Variants in LRFN5 observed in about 807,000 individuals in gnomAD.
LRFN5 encodes the protein leucine-rich repeat and fibronectin type-III domain-containing protein 5.
A neutral mutation model predicts 45.6 loss-of-function variants in LRFN5; 24 were observed. That is an observed-to-expected ratio of 0.53 (90% CI 0.38 to 0.74). The LOEUF (loss-of-function observed/expected upper bound fraction) is 0.74, where lower values mean the gene tolerates loss of function less well. Ranked by LOEUF, LRFN5 falls within the 30% of genes least tolerant of loss-of-function variation. The pLI, the probability that LRFN5 is intolerant of heterozygous loss-of-function variation, is 0.00. For missense variants in LRFN5, 776 were observed against 861.5 expected (o/e 0.90, Z 1.24); for synonymous variants, 340 against 313.8 (o/e 1.08, Z -0.88).
chr14:41,632,729 A>G (rs910253887), intron 1 of LRFN5, among the ~76,000 whole-genome samples: 3 of 152,222 alleles, frequency 2.0e-5, no homozygotes, highest in Non-Finnish European at 2.9e-5. Flanking sequence ...TTAGTAGAAC[A>G]GGAAAAAAAG....
chr14:41,701,633 A>C (rs1024260789), intron 1 of LRFN5: 1 of 152,206 alleles, frequency 6.6e-6, no homozygotes, highest in African/African-American at 2.4e-5. Context: ...TTATGGGCAG[A>C]GAAAAAGGCT....
intron 1 of LRFN5, among the ~76,000 whole-genome samples, chr14:41,707,612 T>A (rs767889989): frequency 5.9e-5 from 9 of 152,168 alleles, no homozygotes; most frequent in African/African-American, 9.6e-5. Flanking sequence ...AATATACTTC[T>A]GGACTTTCTC....
At chr14:41,771,117 G>T (rs905262996) in intron 2 of LRFN5, among the ~76,000 whole-genome samples, 7 of 151,508 alleles carry the variant, frequency 4.6e-5, no homozygotes, top group Admixed American at 1.3e-4. Context: ...CAAGTATATG[G>T]GGAGCAATAT....
intron 1 of LRFN5, among the ~76,000 whole-genome samples, chr14:41,653,684 A>G (rs1176319679): frequency 6.6e-6 from 1 of 152,132 alleles, no homozygotes; most frequent in Admixed American, 6.6e-5. Flanking sequence ...TGGTCTGCAT[A>G]AATACTTAAG....
rs1319507004 is a variant in LRFN5, at chr14:41,743,695, C to CA, written c.-196-23153dup. Among the ~76,000 whole-genome samples the CA allele has an allele frequency of 2.6e-5, 4 of 152,176 alleles. 1 individual carries two copies. In the South Asian group the frequency reaches 8.3e-4, roughly 32 times the overall value. ...TAATAGATTTTTAATGTCCTCACCA[C>CA]AAAAAATATAAGTTGTTAAGGTGGT... is the stretch of plus-strand genomic sequence containing the variant. On this transcript the variant is annotated intron_variant, in intron 1 of 5. Transcript: ENST00000298119.
intron 1 of LRFN5, among the ~76,000 whole-genome samples, chr14:41,709,305 T>C (rs1001972590): frequency 1.3e-5 from 2 of 152,036 alleles, no homozygotes; most frequent in Non-Finnish European, 2.9e-5. Flanking sequence ...CTAATTTCTT[T>C]TGAGTGGAAC....
chr14:41,850,435 GA>G (rs1436829932), intron 2 of LRFN5, among the ~76,000 whole-genome samples: 2 of 149,834 alleles, frequency 1.3e-5, no homozygotes, highest in Non-Finnish European at 3.0e-5. Context: ...TTTCCAAAAA[GA>G]AAAAAAAATC....
intron 1 of LRFN5, among the ~76,000 whole-genome samples, chr14:41,737,229 A>G (rs1358686651): frequency 6.6e-6 from 1 of 152,216 alleles, no homozygotes; most frequent in Non-Finnish European, 1.5e-5. Context: ...TACATTACAT[A>G]AACAGAACCA....
At chr14:41,840,652 C>T (rs1198017436) in intron 2 of LRFN5, among the ~76,000 whole-genome samples, 2 of 151,860 alleles carry the variant, frequency 1.3e-5, no homozygotes, top group Admixed American at 1.3e-4. Flanking sequence ...TCCCCTCATC[C>T]CTTAAGTAGG....
chr14:41,792,631 G>C (rs1594713656), intron 2 of LRFN5, among the ~76,000 whole-genome samples: 1 of 151,962 alleles, frequency 6.6e-6, no homozygotes, highest in East Asian at 1.9e-4. Flanking sequence ...CTCTCTGCAA[G>C]AAGAAAAATA....
chr14:41,890,593 G>T (rs1890742796), intron 3 of LRFN5, among the ~76,000 whole-genome samples: 1 of 151,678 alleles, frequency 6.6e-6, no homozygotes, highest in Admixed American at 6.6e-5. Flanking sequence ...TGTAGTCCCA[G>T]CTACTCGGCA....
At chr14:41,782,258 G>A (rs541609467) in intron 2 of LRFN5, among the ~76,000 whole-genome samples, 3 of 151,014 alleles carry the variant, frequency 2.0e-5, no homozygotes, top group African/African-American at 4.9e-5. Flanking sequence ...ATTTTAATTT[G>A]GGGAGTTTCT....
At chr14:41,782,354 A>G (rs183876567) in intron 2 of LRFN5, among the ~76,000 whole-genome samples, 130 of 152,016 alleles carry the variant, frequency 8.6e-4, no homozygotes, top group African/African-American at 3.0e-3. Flanking sequence ...CCTTTCTGTT[A>G]CAATATTTTA....
intron 1 of LRFN5, among the ~76,000 whole-genome samples, chr14:41,744,869 G>A (rs188209477): frequency 2.6e-5 from 4 of 152,156 alleles, no homozygotes; most frequent in Non-Finnish European, 4.4e-5. Context: ...ACATTTACAC[G>A]TAGTAATTGA....
intron 1 of LRFN5, among the ~76,000 whole-genome samples, chr14:41,629,400 T>A (rs1888459281): frequency 6.6e-6 from 1 of 152,210 alleles, no homozygotes; most frequent in Non-Finnish European, 1.5e-5. Flanking sequence ...TATTACTTAT[T>A]TGTAAAATAA....
intron 1 of LRFN5, among the ~76,000 whole-genome samples, chr14:41,742,244 C>T (rs1196222854): frequency 1.3e-5 from 2 of 149,434 alleles, no homozygotes; most frequent in East Asian, 2.0e-4. Flanking sequence ...GTCACAGTAG[C>T]CAAGATATAG....
intron 1 of LRFN5, among the ~76,000 whole-genome samples, chr14:41,755,990 G>A (rs7151155): frequency 0.056 from 8,575 of 152,202 alleles, 833 homozygotes; most frequent in African/African-American, 0.2. Context: ...GCATTTGCTT[G>A]TCTGTAAAGT....
chr14:41,798,571 C>T (rs1465729872), intron 2 of LRFN5, among the ~76,000 whole-genome samples: 1 of 151,950 alleles, frequency 6.6e-6, no homozygotes, highest in African/African-American at 2.4e-5. Context: ...TGATTAGATC[C>T]ATGAATGTAT....
intron 4 of LRFN5, among the ~76,000 whole-genome samples, chr14:41,895,976 T>G (rs1457979513): frequency 6.6e-6 from 1 of 152,122 alleles, no homozygotes; most frequent in Non-Finnish European, 1.5e-5. Flanking sequence ...TTGTAATGTA[T>G]TTTCTCTTCA....
Sources: allele counts gnomAD v4.1 joint callset (sites outside exome capture counted in the v4.1 genomes callset), GRCh38; gene constraint gnomAD v4.1.1; transcripts MANE v1.5; gene names NCBI Gene and HGNC (gene_info 2026-07-23, HGNC 2026-07-21).